FANCL: variants seen among roughly 807,000 people sequenced by gnomAD.
FANCL encodes FA complementation group L.
FANCL carries 69 observed loss-of-function variants against 59.4 expected under a neutral mutation model. The ratio of observed to expected loss-of-function variants is 1.16; its 90% CI spans 0.96 to 1.42. FANCL has a LOEUF of 1.42. Among genes scored for constraint, FANCL ranks in the 40% most tolerant of loss-of-function variants. The pLI, the probability that FANCL is intolerant of heterozygous loss-of-function variation, is 0.00. For synonymous variants in FANCL, 180 were observed against 147.1 expected (o/e 1.22, Z -1.62); for missense variants, 519 against 447.2 (o/e 1.16, Z -1.45).
intron 5 of FANCL, among the ~76,000 whole-genome samples, chr2:58,220,955 G>A (rs1391439211): frequency 6.6e-6 from 1 of 152,198 alleles, no homozygotes; most frequent in South Asian, 2.1e-4. Context: ...GCTCACGCCT[G>A]TAATCCCAGC....
In FANCL at chr2:58,209,164, T is replaced by A. The variant is rs532499057; in HGVS notation, c.375-4938A>T. ...GCTCCTTTTCATGTAAGTTTTAGCT[T>A]GCCAAACACATAATAAACTTTTTAA... On this transcript the variant is annotated intron_variant, in intron 5 of 13. Transcript: ENST00000233741. 3.3e-5 allele frequency among the ~76,000 whole-genome samples: 5 copies of A among 152,062 alleles called. No individual in the cohort carries two copies. In the South Asian group the frequency reaches 8.3e-4, roughly 25 times the overall value.
intron 1 of FANCL, among the ~76,000 whole-genome samples, chr2:58,239,551 G>T (rs914723658): frequency 2.6e-5 from 4 of 152,130 alleles, no homozygotes; most frequent in East Asian, 1.9e-4. Flanking sequence ...GGGGATGGGG[G>T]TATAAAACAT....
intron 5 of FANCL, among the ~76,000 whole-genome samples, chr2:58,208,334 GAAAT>G (rs1189072678): frequency 2.0e-5 from 3 of 151,978 alleles, no homozygotes; most frequent in African/African-American, 7.2e-5. Flanking sequence ...AAAATCTAAA[GAAAT>G]AAAATATTTT....
At chr2:58,231,219 G>C (rs968932305) in intron 2 of FANCL, among the ~76,000 whole-genome samples, 11 of 152,092 alleles carry the variant, frequency 7.2e-5, no homozygotes, top group Admixed American at 2.0e-4. Flanking sequence ...TACCCCGCTA[G>C]ACACAGCACC....
chr2:58,189,627 A>G (rs991673403), intron 7 of FANCL, among the ~76,000 whole-genome samples: 2 of 152,176 alleles, frequency 1.3e-5, no homozygotes, highest in African/African-American at 4.8e-5. Flanking sequence ...AAGTATGAAC[A>G]CTGCCAATCT....
chr2:58,214,028 C>T (rs1265177215), intron 5 of FANCL, among the ~76,000 whole-genome samples: 2 of 152,120 alleles, frequency 1.3e-5, no homozygotes, highest in Non-Finnish European at 2.9e-5. Context: ...TGTCTATATA[C>T]ACTTGTTTTA....
At chr2:58,188,892 G>A (rs1341565755) in intron 7 of FANCL, among the ~76,000 whole-genome samples, 1 of 151,940 alleles carries the variant, frequency 6.6e-6, no homozygotes, top group Non-Finnish European at 1.5e-5. Flanking sequence ...AAAGGTGAAT[G>A]GCCAATATGT....
At chr2:58,171,189 A>C (rs993705793) in intron 7 of FANCL, among the ~76,000 whole-genome samples, 1 of 152,242 alleles carries the variant, frequency 6.6e-6, no homozygotes, top group Non-Finnish European at 1.5e-5. Context: ...ACCACAGTGC[A>C]ATCAAATTAG....
chr2:58,220,148 T>C (rs1692324949), intron 5 of FANCL, among the ~76,000 whole-genome samples: 2 of 152,218 alleles, frequency 1.3e-5, no homozygotes, highest in African/African-American at 2.4e-5. Flanking sequence ...GTTTTAACAG[T>C]TGAAATCCGA....
intron 13 of FANCL, 24 bp downstream of exon 13, chr2:58,160,082 TGA>T: frequency 1.2e-6 from 2 of 1,610,090 alleles, no homozygotes; most frequent in Non-Finnish European, 1.7e-6. Flanking sequence ...GCACATTTTA[TGA>T]GATGTGATTA....
chr2:58,179,112 A>T (rs1406726967), intron 7 of FANCL, among the ~76,000 whole-genome samples: 1 of 152,044 alleles, frequency 6.6e-6, no homozygotes, highest in Non-Finnish European at 1.5e-5. Flanking sequence ...AACATTCCAT[A>T]TTCATGGATA....
intron 7 of FANCL, among the ~76,000 whole-genome samples, chr2:58,180,327 C>A (rs1687804442): frequency 6.6e-6 from 1 of 152,120 alleles, no homozygotes; most frequent in African/African-American, 2.4e-5. Flanking sequence ...ACCCAAACGC[C>A]CATCAATGAT....
intron 7 of FANCL, among the ~76,000 whole-genome samples, chr2:58,178,099 T>C (rs987057058): frequency 1.3e-5 from 2 of 152,098 alleles, no homozygotes; most frequent in African/African-American, 2.4e-5. Context: ...CAGTATTTAA[T>C]AGCCTACTAA....
At chr2:58,190,198 C>A (rs765718948) in intron 7 of FANCL, among the ~76,000 whole-genome samples, 4 of 151,906 alleles carry the variant, frequency 2.6e-5, no homozygotes, top group Non-Finnish European at 5.9e-5. Flanking sequence ...GAACATATCA[C>A]CTCTTCTATA....
At chr2:58,231,324 A>G (rs1308613904) in intron 2 of FANCL, among the ~76,000 whole-genome samples, 1 of 152,092 alleles carries the variant, frequency 6.6e-6, no homozygotes, top group Admixed American at 6.5e-5. Flanking sequence ...TTTCCACACC[A>G]CTACATTACT....
chr2:58,198,086 TG>T (rs1689616671), intron 7 of FANCL, among the ~76,000 whole-genome samples: 1 of 151,406 alleles, frequency 6.6e-6, no homozygotes, highest in South Asian at 2.1e-4. Flanking sequence ...TGGGTGTGAG[TG>T]GGTGTGTTTG....
At chr2:58,188,679 A>G (rs752432769) in intron 7 of FANCL, among the ~76,000 whole-genome samples, 42 of 151,620 alleles carry the variant, frequency 2.8e-4, no homozygotes, top group Non-Finnish European at 4.6e-4. Context: ...GGCTCAATCA[A>G]TCTTCTCGTC....
intron 7 of FANCL, among the ~76,000 whole-genome samples, chr2:58,171,967 A>G (rs1686681442): frequency 6.6e-6 from 1 of 151,874 alleles, no homozygotes; most frequent in Non-Finnish European, 1.5e-5. Context: ...CCGCTTGGAG[A>G]GTCCTACGCC....
rs1488846028 is a variant in FANCL, at chr2:58,159,248, C to A, written c.*517G>T. On this transcript the variant is annotated 3_prime_UTR_variant, in exon 14 of 14. Coordinates refer to ENST00000233741, the MANE Select transcript of FANCL (RefSeq NM_018062.4). Reference sequence around the variant, plus strand: ...GAAAAATAACACGCAAAAACTTGATCTTGTATAACATTTTATTTAGCATTC... The same window carrying A: ...GAAAAATAACACGCAAAAACTTGATATTGTATAACATTTTATTTAGCATTC... The A allele has an allele frequency of 2.2e-6, 2 of 890,152 alleles. No individual in the cohort carries two copies. Among genetic ancestry groups the A allele is most frequent in the African/African-American group, 1.7e-5 (1 of 59,596 alleles). The allele number at this position is 890,152 out of a possible 1,614,324, so 55.1% of individuals were successfully genotyped here. A position where few individuals can be genotyped will look rare whatever the true frequency, so the allele number is the denominator to read the frequency against.
Sources: gnomAD v4.1 joint callset for allele counts (sites outside exome capture counted in the v4.1 genomes callset) on GRCh38, gnomAD v4.1.1 for gene constraint, MANE v1.5 for transcripts, NCBI Gene and HGNC (gene_info 2026-07-23, HGNC 2026-07-21) for gene names.